TNRC6A: variants seen among roughly 807,000 people sequenced by gnomAD.
TNRC6A encodes the protein trinucleotide repeat-containing gene 6A protein.
A neutral mutation model predicts 221.2 loss-of-function variants in TNRC6A; 44 were observed. The ratio of observed to expected loss-of-function variants is 0.20; its 90% CI spans 0.16 to 0.26. The LOEUF (loss-of-function observed/expected upper bound fraction) is 0.26. Ranked by LOEUF, TNRC6A falls within the 10% of genes least tolerant of loss-of-function variation. TNRC6A has a pLI of 1.00. For missense variants in TNRC6A, 2,199 were observed against 2,404.4 expected (o/e 0.91, Z 1.79); for synonymous variants, 847 against 838.5 (o/e 1.01, Z -0.18).
Position 24,790,678 on chromosome 16 carries a change from C to G in TNRC6A, c.2036C>G (p.Thr679Ser), listed in dbSNP as rs916323717. ...TVESDGSTES[T>S]GRLEEKGTGE... The stretch of plus-strand genomic sequence containing the variant: ...GAGAGCGATGGTAGTACAGAAAGCA[C>G]TGGACGCCTTGAGGAAAAAGGAACT... The change falls in exon 6 of 25, where the codon ACT becomes AGT. Residue 679 changes from threonine (T) to serine (S), a missense_variant. By Grantham distance (58) the Thr-to-Ser change is moderately conservative. Around this residue, in one of 8 missense-constraint regions of TNRC6A, gnomAD observed 1,405 missense variants for 1,400.2 expected, o/e 1.00. Transcript: ENST00000395799. 2 of 1,614,190 alleles carry G rather than the reference C, an allele frequency of 1.2e-6. No individual in the cohort carries two copies. Among genetic ancestry groups the G allele is most frequent in the Admixed American group, 1.7e-5 (1 of 60,018 alleles).
intron 18 of TNRC6A, among the ~76,000 whole-genome samples, chr16:24,814,409 C>CTTTTTTTCTTT (rs1289848452): frequency 4.3e-5 from 5 of 116,762 alleles, no homozygotes; most frequent in Non-Finnish European, 8.7e-5. Context: ...TTTTTTTTTT[C>CTTTTTTTCTTT]TTTTTTTTTT....
chr16:24,789,640 G>A lies in TNRC6A; in HGVS notation c.998G>A (p.Ser333Asn). The A allele has an allele frequency of 6.2e-7, 1 of 1,614,154 alleles. No homozygotes were observed. The highest frequency in any genetic ancestry group is 8.5e-7 in the Non-Finnish European group (1 of 1,180,040). ...TCQVSVDAPE[S>N]KSESSNNRMN... ...CAGGTCTCTGTGGATGCTCCTGAAA[G>A]CAAATCTGAAAGTAGCAACAATAGA... Residue 333 changes from serine (S) to asparagine (N), a missense_variant, in exon 6 of 25, where the codon AGC (serine) becomes AAC (asparagine). Transcript: ENST00000395799.
At chr16:24,754,172 A>G (rs2057197526) in intron 3 of TNRC6A, among the ~76,000 whole-genome samples, 1 of 152,158 alleles carries the variant, frequency 6.6e-6, no homozygotes, top group Non-Finnish European at 1.5e-5. Flanking sequence ...TTTAAAATTA[A>G]CACCATGGGT....
At chr16:24,686,369 G>A (rs1011459085) in intron 2 of TNRC6A, among the ~76,000 whole-genome samples, 2 of 152,026 alleles carry the variant, frequency 1.3e-5, no homozygotes, top group Admixed American at 1.3e-4. Context: ...ATGACATCAT[G>A]GAATCCAGCC....
chr16:24,614,815 A>G (rs1445279297), intron 1 of TNRC6A, among the ~76,000 whole-genome samples: 2 of 152,250 alleles, frequency 1.3e-5, no homozygotes, highest in African/African-American at 4.8e-5. Flanking sequence ...TACGCCTGTA[A>G]TCCCAGCACT....
At chr16:24,625,983 G>GTACAGTACA (rs1900967514) in intron 1 of TNRC6A, among the ~76,000 whole-genome samples, 1 of 152,074 alleles carries the variant, frequency 6.6e-6, no homozygotes, top group Admixed American at 6.6e-5. Flanking sequence ...AATTTATATG[G>GTACAGTACA]TCTGCACTGT....
intron 2 of TNRC6A, among the ~76,000 whole-genome samples, chr16:24,700,967 C>G (rs1306995044): frequency 2.0e-5 from 3 of 152,174 alleles, no homozygotes; most frequent in African/African-American, 7.2e-5. Context: ...ATAAGGCTGC[C>G]CAATGTGCTC....
chr16:24,802,046 A>G (rs1282184475), intron 11 of TNRC6A, among the ~76,000 whole-genome samples: 2 of 152,224 alleles, frequency 1.3e-5, no homozygotes, highest in African/African-American at 2.4e-5. Context: ...GGATTTTTTA[A>G]ATACCAGATT....
intron 19 of TNRC6A, chr16:24,816,469 A>G (rs1385327754): frequency 5.3e-6 from 1 of 187,494 alleles, no homozygotes; most frequent in Non-Finnish European, 1.1e-5. Flanking sequence ...TTGCACCACT[A>G]CACTCCAACC....
chr16:24,818,058 G>T (rs2058689742), intron 20 of TNRC6A, among the ~76,000 whole-genome samples: 1 of 152,134 alleles, frequency 6.6e-6, no homozygotes, highest in African/African-American at 2.4e-5. Context: ...CCAGATGGTG[G>T]TCGGGTCTAG....
chr16:24,616,313 G>A (rs1453183288), intron 1 of TNRC6A, among the ~76,000 whole-genome samples: 2 of 132,360 alleles, frequency 1.5e-5, no homozygotes, highest in Non-Finnish European at 3.1e-5. Context: ...GAGACACAGC[G>A]AGATGCTGTC....
At chr16:24,682,576 C>T (rs534142477) in intron 2 of TNRC6A, among the ~76,000 whole-genome samples, 1 of 152,028 alleles carries the variant, frequency 6.6e-6, no homozygotes, top group African/African-American at 2.4e-5. Context: ...CAGAAAACCG[C>T]AAGGATCCAC....
Position 24,732,372 on chromosome 16 carries a change from TG to T in TNRC6A, c.53+2075del, listed in dbSNP as rs578181091. Among the ~76,000 whole-genome samples, 24 of 152,374 alleles carry T rather than the reference TG, an allele frequency of 1.6e-4. No individual in the cohort carries two copies. In the South Asian group the frequency reaches 3.9e-3, roughly 25 times the overall value. ...ATTTTCGATATTTCAACTGTGGGAC[TG>T]GGCACTAAGCCAGGGAAGAATGTAA... On this transcript the variant is annotated intron_variant, in intron 2 of 24. Coordinates refer to ENST00000395799, the MANE Select transcript of TNRC6A (RefSeq NM_014494.4).
At chr16:24,806,324 A>G (rs746516785) in intron 16 of TNRC6A, 41 bp downstream of exon 16, 1 of 1,605,518 alleles carries the variant, frequency 6.2e-7, no homozygotes, top group Middle Eastern at 1.7e-4. Context: ...TCTTTGTGTT[A>G]ATAAACTCTG....
chr16:24,635,836 T>C (rs1901611312), intron 1 of TNRC6A, among the ~76,000 whole-genome samples: 1 of 152,348 alleles, frequency 6.6e-6, no homozygotes. Flanking sequence ...TATTTTTGCC[T>C]GAGCTTCCAG....
chr16:24,772,358 CTTTTTCT>C lies in TNRC6A; in HGVS notation c.164-4562_164-4556del, dbSNP rs987174411. Among the ~76,000 whole-genome samples, 10 of 152,140 alleles carry C rather than the reference CTTTTTCT, an allele frequency of 6.6e-5. No individual in the cohort carries two copies. The East Asian group carries it at 1.9e-3, about 29-fold the overall frequency. ...GATTTAGAGATACGTGTTTCTTTTT[CTTTTTCT>C]TTTTTCTTTTTTTGAAACAAGGTCT... On this transcript the variant is annotated intron_variant, in intron 4 of 24. Transcript: ENST00000395799.
intron 2 of TNRC6A, among the ~76,000 whole-genome samples, chr16:24,715,760 G>A (rs2056302064): frequency 2.0e-5 from 3 of 151,902 alleles, no homozygotes; most frequent in Admixed American, 2.0e-4. Flanking sequence ...TGGGACTACA[G>A]GTGCATGCCA....
chr16:24,662,923 AC>A lies in TNRC6A; in HGVS notation n.402+21915del, dbSNP rs1355758555. 8.4e-5 allele frequency: 13 copies of A among 153,874 alleles called. No homozygotes were observed. In the East Asian group the frequency reaches 2.3e-3, roughly 27 times the overall value. 9.5% of individuals were successfully genotyped at this position (153,874 alleles called of 1,614,324 possible). ...AACTCTTAAACAGGAGCTTCTGCAA[AC>A]GTGTAATAAGCTGGAGAAAGTCATT... On this transcript the variant is annotated intron_variant and non_coding_transcript_variant, in intron 2 of 2. Transcript: ENST00000566108.
rs1339988253 is a variant in TNRC6A at position 24,805,611 on chromosome 16, G to A, written c.4129G>A (p.Val1377Ile). Reference protein sequence around the residue: ...PPPLLSPQVPVSLLKYAPNNG... With the variant: ...PPPLLSPQVPISLLKYAPNNG... ...TTACCATTGTGATCCTAAGGTTCCA[G>A]TTTCATTGCTGAAGTATGCACCAAA... Residue 1377 changes from valine (V) to isoleucine (I), a missense_variant, in exon 15 of 25, where the codon GTT becomes ATT. By Grantham distance (29) the Val-to-Ile change is conservative. This residue lies in a region of TNRC6A where 449 missense variants were observed against 579.7 expected (regional missense o/e 0.77). Coordinates refer to ENST00000395799, the MANE Select transcript of TNRC6A (RefSeq NM_014494.4). 18 of 1,613,988 alleles carry A rather than the reference G, an allele frequency of 1.1e-5. No homozygotes were observed. Among genetic ancestry groups the A allele is most frequent in the Admixed American group, 3.3e-5 (2 of 59,982 alleles).
Sources: allele counts gnomAD v4.1 joint callset (sites outside exome capture counted in the v4.1 genomes callset), GRCh38; gene constraint gnomAD v4.1.1; regional missense constraint gnomAD v4.1.1; transcripts MANE v1.5; gene names NCBI Gene and HGNC (gene_info 2026-07-23, HGNC 2026-07-21).